Variants in CAMTA1 observed in about 807,000 individuals in gnomAD.
CAMTA1 encodes calmodulin-binding transcription activator 1.
A neutral mutation model predicts 170.9 loss-of-function variants in CAMTA1; 27 were observed. The ratio of observed to expected loss-of-function variants is 0.16; its 90% confidence interval spans 0.12 to 0.22. CAMTA1 has a LOEUF of 0.22. Among genes scored for constraint, CAMTA1 ranks in the 10% least tolerant of loss-of-function variants. CAMTA1 has a pLI of 1.00. For synonymous variants in CAMTA1, 833 were observed against 891.5 expected (o/e 0.93, Z 1.17); for missense variants, 1,619 against 2,217.2 (o/e 0.73, Z 5.42).
rs34500510 is a variant in CAMTA1 at position 7,734,541 on chromosome 1, C to CA, written c.3067-1790dup. Among the ~76,000 whole-genome samples, 900 of 148,558 alleles carry CA rather than the reference C, an allele frequency of 6.1e-3. 9 individuals carry two copies. The highest frequency in any genetic ancestry group is 0.02 in the African/African-American group (823 of 40,380). ...GAGACATGACTGTTTTTGTTTAATACAAAAAAAAAAAAATTCCCTTTTCGT... is the reference window on the plus strand; with the variant it reads ...GAGACATGACTGTTTTTGTTTAATACAAAAAAAAAAAAAATTCCCTTTTCGT... On this transcript the variant is annotated intron_variant, in intron 12 of 22. Transcript: ENST00000303635.
At chr1:6,785,626 C>G (rs1424645836) in intron 1 of CAMTA1, 51 bp downstream of exon 1, 2 of 975,192 alleles carry the variant, frequency 2.1e-6, no homozygotes, top group African/African-American at 1.9e-5. Flanking sequence ...GGCGGCGGGA[C>G]CCGGCCCCGC....
intron 6 of CAMTA1, among the ~76,000 whole-genome samples, chr1:7,567,637 T>A (rs2095059142): frequency 1.3e-5 from 2 of 152,226 alleles, no homozygotes. Context: ...ATTATCCACA[T>A]GTGAATCACC....
At chr1:7,412,673 A>AATTTT (rs2090870301) in intron 5 of CAMTA1, among the ~76,000 whole-genome samples, 1 of 152,092 alleles carries the variant, frequency 6.6e-6, no homozygotes, top group African/African-American at 2.4e-5. Flanking sequence ...TCAGATGAGT[A>AATTTT]GGTTGCGAAA....
chr1:7,294,083 A>G (rs576627596), intron 5 of CAMTA1, among the ~76,000 whole-genome samples: 1 of 152,260 alleles, frequency 6.6e-6, no homozygotes, highest in Non-Finnish European at 1.5e-5. Flanking sequence ...TGCCCTCAAG[A>G]GAAGGTCCCT....
chr1:7,436,899 T>C (rs1349777654), intron 5 of CAMTA1, among the ~76,000 whole-genome samples: 1 of 151,976 alleles, frequency 6.6e-6, no homozygotes, highest in Non-Finnish European at 1.5e-5. Context: ...CTGGAGGTTG[T>C]GGGTGCCGGG....
At chr1:7,261,643 G>A (rs1668187933) in intron 5 of CAMTA1, among the ~76,000 whole-genome samples, 1 of 152,180 alleles carries the variant, frequency 6.6e-6, no homozygotes, top group Admixed American at 6.5e-5. Context: ...GGTGGAGGTG[G>A]AGGCATTCCT....
intron 4 of CAMTA1, among the ~76,000 whole-genome samples, chr1:7,109,060 C>T (rs1418200844): frequency 6.6e-6 from 1 of 152,238 alleles, no homozygotes; most frequent in Non-Finnish European, 1.5e-5. Context: ...CCACATGGGC[C>T]TCTCCAACAG....
chr1:7,496,286 A>T (rs2093825724), intron 6 of CAMTA1, among the ~76,000 whole-genome samples: 1 of 152,190 alleles, frequency 6.6e-6, no homozygotes, highest in African/African-American at 2.4e-5. Context: ...TCTCTGTAAG[A>T]TGGCTCTATG....
chr1:7,630,249 G>T (rs1411099774), intron 6 of CAMTA1, among the ~76,000 whole-genome samples: 2 of 152,162 alleles, frequency 1.3e-5, no homozygotes, highest in African/African-American at 4.8e-5. Flanking sequence ...TCTGGAAAGT[G>T]CAGGCAGACG....
chr1:7,525,789 G>C (rs868586270), intron 6 of CAMTA1, among the ~76,000 whole-genome samples: 4 of 152,110 alleles, frequency 2.6e-5, no homozygotes, highest in Non-Finnish European at 5.9e-5. Context: ...CTCCTTCCAC[G>C]AGCATCTACT....
chr1:7,247,114 T>C (rs1207112379), intron 4 of CAMTA1, among the ~76,000 whole-genome samples: 2 of 152,238 alleles, frequency 1.3e-5, no homozygotes, highest in African/African-American at 4.8e-5. Flanking sequence ...AAAATCAGAT[T>C]GGTGGATTAA....
At chr1:6,942,921 C>G (rs1686898113) in intron 3 of CAMTA1, among the ~76,000 whole-genome samples, 1 of 152,316 alleles carries the variant, frequency 6.6e-6, no homozygotes, top group Admixed American at 6.5e-5. Flanking sequence ...GCAGTCTGCT[C>G]TGGGCCGAGC....
At chr1:7,346,743 C>T (rs1350608516) in intron 5 of CAMTA1, among the ~76,000 whole-genome samples, 2 of 152,190 alleles carry the variant, frequency 1.3e-5, no homozygotes, top group Non-Finnish European at 2.9e-5. Flanking sequence ...TCTCAGTGCT[C>T]TCGGCCCTGA....
At chr1:7,253,937 C>T (rs1666985839) in intron 5 of CAMTA1, among the ~76,000 whole-genome samples, 2 of 151,998 alleles carry the variant, frequency 1.3e-5, no homozygotes, top group South Asian at 4.2e-4. Context: ...AACGTGTGGT[C>T]CCCTATCTCA....
intron 11 of CAMTA1, among the ~76,000 whole-genome samples, chr1:7,684,527 G>A (rs2096242118): frequency 6.6e-6 from 1 of 152,174 alleles, no homozygotes; most frequent in South Asian, 2.1e-4. Flanking sequence ...TGCAGCTCTG[G>A]TGGCTGCTGA....
chr1:6,984,497 C>T (rs1695033508), intron 3 of CAMTA1, among the ~76,000 whole-genome samples: 1 of 151,934 alleles, frequency 6.6e-6, no homozygotes, highest in African/African-American at 2.4e-5. Context: ...GGCTGAAATC[C>T]CAGCTAGTCA....
chr1:7,127,150 G>C (rs780644752), intron 4 of CAMTA1, among the ~76,000 whole-genome samples: 12 of 151,948 alleles, frequency 7.9e-5, no homozygotes, highest in African/African-American at 2.9e-4. Context: ...GGGGCTAGCC[G>C]AGCAGCTGGG....
chr1:7,094,023 C>T, intron 4 of CAMTA1, among the ~76,000 whole-genome samples: 1 of 152,234 alleles, frequency 6.6e-6, no homozygotes, highest in East Asian at 1.9e-4. Context: ...ATCTGTGGGG[C>T]AGTCCCCAAC....
chr1:6,948,765 C>G (rs1165156795), intron 3 of CAMTA1, among the ~76,000 whole-genome samples: 2 of 152,192 alleles, frequency 1.3e-5, no homozygotes, highest in Non-Finnish European at 2.9e-5. Flanking sequence ...TCCATGTACT[C>G]AGCTCAGAAA....
Sources: gnomAD v4.1 joint callset for allele counts (sites outside exome capture counted in the v4.1 genomes callset) on GRCh38, gnomAD v4.1.1 for gene constraint, MANE v1.5 for transcripts, NCBI Gene and HGNC (gene_info 2026-07-23, HGNC 2026-07-21) for gene names.